The following CEP350 variants were observed in gnomAD, a reference collection of about 807,000 sequenced individuals.
The protein encoded by CEP350 is centrosomal protein 350, also known as centrosome-associated protein 350.
In CEP350, 126 loss-of-function variants were observed where a neutral mutation model predicts 331.8. The ratio of observed to expected loss-of-function variants is 0.38; its 90% CI spans 0.33 to 0.44. The LOEUF (loss-of-function observed/expected upper bound fraction) is 0.44, where lower values mean the gene tolerates loss of function less well. CEP350 is among the 20% of genes least tolerant of loss of function. The pLI is 1.00. For synonymous variants in CEP350, 1,200 were observed against 1,259.5 expected (o/e 0.95, Z 1.00); for missense variants, 3,406 against 3,634.6 (o/e 0.94, Z 1.62).
chr1:179,956,325 G>C (rs1351453416), intron 1 of CEP350, among the ~76,000 whole-genome samples: 2 of 152,180 alleles, frequency 1.3e-5, no homozygotes, highest in African/African-American at 4.8e-5. Flanking sequence ...AGAATACATT[G>C]TATATGTGGA....
At chr1:180,057,653 CTTTCTTTTGCTATTTTATGAGAGT>C (rs1657944537) in intron 25 of CEP350, among the ~76,000 whole-genome samples, 1 of 151,808 alleles carries the variant, frequency 6.6e-6, no homozygotes, top group African/African-American at 2.4e-5. Flanking sequence ...AGGATTTATC[CTTTCTTTTGCTATTTTATGAGAGT>C]TTTCTTTTGC....
At chr1:180,062,183 C>T in intron 25 of CEP350, 37 bp from the exon 26 acceptor site, 2 of 1,495,382 alleles carry the variant, frequency 1.3e-6, no homozygotes, top group Non-Finnish European at 8.9e-7. Flanking sequence ...TTGTCTTCTC[C>T]CAATCTTAAT....
At chr1:180,041,399 G>A (rs917744810) in intron 18 of CEP350, 151 bp downstream of exon 18, 9 of 271,642 alleles carry the variant, frequency 3.3e-5, no homozygotes, top group Admixed American at 6.5e-5. Context: ...CATGTAATTC[G>A]ATTTTTGTTA....
chr1:180,071,767 G>A (rs2149048162), intron 27 of CEP350, among the ~76,000 whole-genome samples: 1 of 132,088 alleles, frequency 7.6e-6, no homozygotes, highest in South Asian at 2.8e-4. Flanking sequence ...GGGCAACAGA[G>A]CAAGACTCCG....
intron 1 of CEP350, among the ~76,000 whole-genome samples, chr1:179,960,762 G>A: frequency 6.6e-6 from 1 of 152,216 alleles, no homozygotes; most frequent in East Asian, 1.9e-4. Flanking sequence ...CTATTAAGTA[G>A]TTGTGGTAAT....
chr1:180,095,455 C>CT (rs1207993712), intron 34 of CEP350, 68 bp from the exon 35 acceptor site: 11 of 1,508,548 alleles, frequency 7.3e-6, no homozygotes, highest in African/African-American at 1.4e-5. Flanking sequence ...TTTACTCTGT[C>CT]TTTTTTTAAA....
intron 1 of CEP350, among the ~76,000 whole-genome samples, chr1:179,969,883 T>C (rs191487630): frequency 2.8e-3 from 431 of 152,336 alleles, no homozygotes; most frequent in Non-Finnish European, 4.7e-3. Flanking sequence ...CACTTTCTTA[T>C]GTATAAGGGA....
rs779598131 is a variant in CEP350, at chr1:180,093,485, C to T, written c.7380C>T (p.Ser2460=). The change falls in exon 34 of 38, where the codon TCC becomes TCT. Residue 2460 remains serine (S), a synonymous_variant. Coordinates refer to ENST00000367607, the MANE Select transcript of CEP350 (RefSeq NM_014810.5). ...CTGACAGGCTGTTGGAACTCAAGTCCCCTACTGAGCTGATGAAAAGTAAGG... is the reference window on the plus strand; with the variant it reads ...CTGACAGGCTGTTGGAACTCAAGTCTCCTACTGAGCTGATGAAAAGTAAGG... ...VHSDRLLELK[S]PTELMKSKER... The T allele has an allele frequency of 6.2e-7, 1 of 1,610,636 alleles. No homozygotes were observed. The highest frequency in any genetic ancestry group is 1.1e-5 in the South Asian group (1 of 90,538).
intron 31 of CEP350, among the ~76,000 whole-genome samples, chr1:180,085,418 G>C (rs1236084416): frequency 1.3e-5 from 2 of 152,094 alleles, no homozygotes; most frequent in Non-Finnish European, 1.5e-5. Context: ...GCTAGCTGGG[G>C]CCCTTATGAC....
chr1:180,003,278 C>T lies in CEP350; in HGVS notation c.1123C>T (p.His375Tyr). The T allele has an allele frequency of 6.2e-7, 1 of 1,602,194 alleles. No individual in the cohort carries two copies. The highest frequency in any genetic ancestry group is 8.5e-7 in the Non-Finnish European group (1 of 1,171,562). Residue 375 changes from histidine to tyrosine, a missense_variant, in exon 7 of 38, where the codon CAC becomes TAC. Physicochemically the swap from His to Tyr is moderately conservative, Grantham distance 83 (BLOSUM62 2). Coordinates refer to ENST00000367607, the MANE Select transcript of CEP350 (RefSeq NM_014810.5). ...AGAACTGTATCGAGATTTAGCACTTCACTTTGCAGGTGAGAATAGAGCTTT... is the reference window on the plus strand; with the variant it reads ...AGAACTGTATCGAGATTTAGCACTTTACTTTGCAGGTGAGAATAGAGCTTT... The part of the protein sequence containing the change: ...SRELYRDLAL[H>Y]FADDISIKEK...
At chr1:179,981,404 A>G (rs537508377) in intron 1 of CEP350, among the ~76,000 whole-genome samples, 2 of 152,356 alleles carry the variant, frequency 1.3e-5, no homozygotes, top group African/African-American at 2.4e-5. Context: ...CTTGGTAAAC[A>G]CTTAAAACTG....
intron 27 of CEP350, among the ~76,000 whole-genome samples, chr1:180,068,863 T>C (rs926855311): frequency 6.6e-6 from 1 of 152,192 alleles, no homozygotes; most frequent in Admixed American, 6.5e-5. Flanking sequence ...CAGCTTCACA[T>C]AGAGAAGTAT....
intron 37 of CEP350, among the ~76,000 whole-genome samples, chr1:180,102,645 T>G (rs1296881349): frequency 1.3e-5 from 2 of 152,244 alleles, no homozygotes; most frequent in African/African-American, 4.8e-5. Context: ...AGGTGCATTG[T>G]TTCTGCATCC....
intron 1 of CEP350, among the ~76,000 whole-genome samples, chr1:179,971,364 C>T (rs1264043750): frequency 6.6e-6 from 1 of 152,098 alleles, no homozygotes; most frequent in Non-Finnish European, 1.5e-5. Context: ...CACCCCATTG[C>T]CCAGGCTGGA....
chr1:180,029,628 C>A (rs139998756), intron 14 of CEP350, among the ~76,000 whole-genome samples: 2 of 152,256 alleles, frequency 1.3e-5, no homozygotes, highest in African/African-American at 4.8e-5. Flanking sequence ...TCCATTCCTC[C>A]GTCCCTTCAG....
intron 1 of CEP350, chr1:179,968,549 G>C (rs569744908): frequency 2.7e-5 from 9 of 330,292 alleles, no homozygotes; most frequent in African/African-American, 1.9e-4. Context: ...CCTCTCAGTT[G>C]ACTAAGTTAT....
At chr1:180,008,296 T>C (rs1306945509) in intron 8 of CEP350, among the ~76,000 whole-genome samples, 1 of 152,196 alleles carries the variant, frequency 6.6e-6, no homozygotes, top group East Asian at 1.9e-4. Flanking sequence ...TTTGTTCCTT[T>C]GGTAAATGAG....
In CEP350 at chr1:180,093,083, G is replaced by A; in HGVS notation, c.6978G>A (p.Glu2326=). ...CTATTGAAAATCTCCATAAAAGTGA[G>A]GAAATGTTGAAAGAGAGACAGTCAG... is the stretch of plus-strand genomic sequence containing the variant. ...GLAIENLHKS[E]EMLKERQSDQ... Residue 2326 remains glutamate, a synonymous_variant, in exon 34 of 38, where the codon GAG becomes GAA. Transcript: ENST00000367607. 6.2e-7 allele frequency: 1 copy of A among 1,604,832 alleles called. No homozygotes were observed. Among genetic ancestry groups the A allele is most frequent in the Non-Finnish European group, 8.5e-7 (1 of 1,175,034 alleles).
intron 2 of CEP350, among the ~76,000 whole-genome samples, chr1:179,987,003 A>G (rs1417050446): frequency 2.0e-5 from 3 of 152,186 alleles, no homozygotes; most frequent in Non-Finnish European, 2.9e-5. Context: ...TGCCAGTCCA[A>G]TGGTAGCAGT....
Sources: gnomAD v4.1 joint callset for allele counts (sites outside exome capture counted in the v4.1 genomes callset) on GRCh38, gnomAD v4.1.1 for gene constraint, MANE v1.5 for transcripts, NCBI Gene and HGNC (gene_info 2026-07-23, HGNC 2026-07-21) for gene names.